MGAT5: variants seen among roughly 807,000 people sequenced by gnomAD.
MGAT5 encodes alpha-1,6-mannosylglycoprotein 6-beta-N-acetylglucosaminyltransferase A.
MGAT5 carries 30 observed loss-of-function variants against 94.3 expected under a neutral mutation model. That is an observed-to-expected ratio of 0.32 (90% CI 0.24 to 0.43). The LOEUF (loss-of-function observed/expected upper bound fraction) is 0.43, where lower values mean the gene tolerates loss of function less well. Among genes scored for constraint, MGAT5 ranks in the 20% least tolerant of loss-of-function variants. The pLI is 1.00. For synonymous variants in MGAT5, 310 were observed against 322.9 expected, an observed-to-expected ratio of 0.96 and a Z score of 0.43; for missense variants, 691 against 905.5, an observed-to-expected ratio of 0.76 and a Z score of 3.04.
intron 10 of MGAT5, among the ~76,000 whole-genome samples, chr2:134,370,448 T>A (rs1025307045): frequency 6.6e-6 from 1 of 152,286 alleles, no homozygotes; most frequent in Non-Finnish European, 1.5e-5. Context: ...CTGGAAAGTC[T>A]GATGTGATCA....
intron 2 of MGAT5, among the ~76,000 whole-genome samples, chr2:134,271,074 T>C (rs1478851288): frequency 2.0e-5 from 3 of 152,358 alleles, no homozygotes; most frequent in Middle Eastern, 3.4e-3. Context: ...TAGCCACTCA[T>C]GTACACCACC....
intron 1 of MGAT5, among the ~76,000 whole-genome samples, chr2:134,135,054 T>C (rs1266865339): frequency 4.6e-5 from 7 of 152,252 alleles, no homozygotes; most frequent in African/African-American, 1.7e-4. Context: ...AAATTTCACA[T>C]TAAAATGAAG....
chr2:134,341,484 T>G, intron 6 of MGAT5, 106 bp from the exon 7 acceptor site: 1 of 897,568 alleles, frequency 1.1e-6, no homozygotes, highest in South Asian at 2.1e-5. Flanking sequence ...TTGATTTTGT[T>G]AGGATGTAAA....
chr2:134,126,200 A>G (rs1210846323), intron 1 of MGAT5, among the ~76,000 whole-genome samples: 2 of 152,208 alleles, frequency 1.3e-5, no homozygotes, highest in Non-Finnish European at 2.9e-5. Context: ...CTGATTCGGA[A>G]TGCTTCTGCC....
In MGAT5 at chr2:134,182,982, G is replaced by A. The variant is rs545265833; in HGVS notation, c.-143+62691G>A. Among the ~76,000 whole-genome samples the A allele has an allele frequency of 3.1e-4, 47 of 152,044 alleles. No homozygotes were observed. In the East Asian group the frequency reaches 7.6e-3, roughly 24 times the overall value. The stretch of plus-strand genomic sequence containing the variant: ...TGTTTTTGTATTTTTAGTAGAGACA[G>A]GGTTTCACCGTGTTAGCCAGGATGG... On this transcript the variant is annotated intron_variant, in intron 1 of 16. Transcript: ENST00000409645.
intron 1 of MGAT5, among the ~76,000 whole-genome samples, chr2:134,198,818 G>A (rs1679625077): frequency 6.6e-6 from 1 of 152,172 alleles, no homozygotes; most frequent in Non-Finnish European, 1.5e-5. Flanking sequence ...TTTGGTAACT[G>A]CATCATGTTT....
At chr2:134,329,945 A>C (rs1313582958) in intron 4 of MGAT5, among the ~76,000 whole-genome samples, 1 of 152,150 alleles carries the variant, frequency 6.6e-6, no homozygotes, top group Non-Finnish European at 1.5e-5. Context: ...TAGAAAGTAG[A>C]GGAATCGGGA....
At chr2:134,219,736 A>T (rs1680664410) in intron 1 of MGAT5, among the ~76,000 whole-genome samples, 1 of 152,206 alleles carries the variant, frequency 6.6e-6, no homozygotes. Context: ...ATCCTGAAAA[A>T]ATTACGGAAT....
At chr2:134,258,584 T>C (rs916740108) in intron 1 of MGAT5, among the ~76,000 whole-genome samples, 1 of 152,238 alleles carries the variant, frequency 6.6e-6, no homozygotes, top group East Asian at 1.9e-4. Context: ...CTGACCTAGA[T>C]AGTCTCTGGG....
chr2:134,347,501 C>T (rs1337970339), intron 8 of MGAT5, among the ~76,000 whole-genome samples: 1 of 152,188 alleles, frequency 6.6e-6, no homozygotes, highest in Non-Finnish European at 1.5e-5. Flanking sequence ...AAAAATGTCA[C>T]TAGCCAAAGC....
rs144162330 is a variant in MGAT5, at chr2:134,132,959, GC to G, written c.-143+12675del. On this transcript the variant is annotated intron_variant, in intron 1 of 16. Coordinates refer to the MGAT5 transcript ENST00000409645. ...ATTGTTTCATTATAAGTAGTGTTAT[GC>G]CCCCCCTTCTTAATTTATTTTTAAA... Among the ~76,000 whole-genome samples the G allele has an allele frequency of 0.022, 3,379 of 152,228 alleles. 276 individuals carry two copies. In the East Asian group the frequency reaches 0.25, roughly 11 times the overall value.
chr2:134,156,199 GT>G (rs1345617320), intron 1 of MGAT5, among the ~76,000 whole-genome samples: 1 of 152,154 alleles, frequency 6.6e-6, no homozygotes, highest in African/African-American at 2.4e-5. Context: ...ATGAGATCTT[GT>G]TTATTTGCAT....
intron 1 of MGAT5, among the ~76,000 whole-genome samples, chr2:134,241,041 T>C (rs545053616): frequency 8.5e-4 from 130 of 152,308 alleles, no homozygotes; most frequent in Middle Eastern, 6.8e-3. Context: ...ACAGTACCAG[T>C]TTTATTAGTG....
chr2:134,187,095 G>T (rs928662805), intron 1 of MGAT5, among the ~76,000 whole-genome samples: 1 of 152,194 alleles, frequency 6.6e-6, no homozygotes, highest in Non-Finnish European at 1.5e-5. Flanking sequence ...GGCCGTGTGG[G>T]TGGAGTAAAG....
intron 13 of MGAT5, among the ~76,000 whole-genome samples, chr2:134,425,411 T>G (rs923667641): frequency 4.6e-5 from 7 of 152,098 alleles, no homozygotes; most frequent in African/African-American, 1.7e-4. Flanking sequence ...GGTTTTTGTG[T>G]GTGTGTGGTT....
At chr2:134,178,873 G>A (rs925993865) in intron 1 of MGAT5, among the ~76,000 whole-genome samples, 3 of 152,094 alleles carry the variant, frequency 2.0e-5, no homozygotes, top group Non-Finnish European at 4.4e-5. Flanking sequence ...TGTTTCCTGT[G>A]TGCTTTATCT....
intron 1 of MGAT5, among the ~76,000 whole-genome samples, chr2:134,191,583 G>C (rs1033203255): frequency 1.5e-5 from 2 of 135,550 alleles, no homozygotes; most frequent in Non-Finnish European, 1.6e-5. Flanking sequence ...CCTCCTTCTG[G>C]CGCAAGTGGG....
At chr2:134,198,124 C>T (rs1411489013) in intron 1 of MGAT5, among the ~76,000 whole-genome samples, 1 of 152,188 alleles carries the variant, frequency 6.6e-6, no homozygotes, top group African/African-American at 2.4e-5. Context: ...ATTTTTAAGC[C>T]TGTATAGCCA....
chr2:134,258,125 G>A (rs1384599731), intron 1 of MGAT5, among the ~76,000 whole-genome samples: 1 of 151,346 alleles, frequency 6.6e-6, no homozygotes, highest in Non-Finnish European at 1.5e-5. Flanking sequence ...AAGGCAGCAG[G>A]GCTCGGTGAA....
Sources: allele counts gnomAD v4.1 joint callset (sites outside exome capture counted in the v4.1 genomes callset), GRCh38; gene constraint gnomAD v4.1.1; transcripts MANE v1.5; gene names NCBI Gene and HGNC (gene_info 2026-07-23, HGNC 2026-07-21).